Variants in IKZF2 observed in about 807,000 individuals in gnomAD.
IKZF2 encodes the protein zinc finger protein Helios.
Under a neutral mutation model 49.2 loss-of-function variants are expected in IKZF2, and 15 were observed. The observed-to-expected ratio is 0.30, with a 90% CI of 0.20 to 0.47. The LOEUF is 0.47. IKZF2 is among the 20% of genes least tolerant of loss of function. IKZF2 has a pLI of 1.00. For missense variants in IKZF2, 567 were observed against 664.6 expected (o/e 0.85, Z 1.61); for synonymous variants, 227 against 221.4 (o/e 1.03, Z -0.23).
intron 4 of IKZF2, among the ~76,000 whole-genome samples, chr2:213,114,656 A>G (rs1429224316): frequency 6.6e-6 from 1 of 152,166 alleles, no homozygotes; most frequent in African/African-American, 2.4e-5. Context: ...AGCACAGGCT[A>G]GGTGCGGTGG....
rs1415783169 is a variant in IKZF2, at chr2:213,002,117, T to C, written c.*5243A>G. The C allele has an allele frequency of 6.6e-6, 1 of 151,506 alleles. No homozygotes were observed. The highest frequency in any genetic ancestry group is 1.5e-5 in the Non-Finnish European group (1 of 67,540). The allele number at this position is 151,506 out of a possible 1,614,324, so 9.4% of individuals were successfully genotyped here. ...ATTTATTTGTACCTATATGAACTTA[T>C]ATGCTGTACTTTATGTGACTTAGCA... On this transcript the variant is annotated 3_prime_UTR_variant, in exon 9 of 9. Coordinates refer to ENST00000434687, the MANE Select transcript of IKZF2 (RefSeq NM_001387220.1).
At chr2:213,017,146 T>A (rs1696698674) in intron 7 of IKZF2, 2 of 152,222 alleles carry the variant, frequency 1.3e-5, no homozygotes, top group Admixed American at 1.3e-4. Context: ...TCCATGTTCC[T>A]ACTCTGCTCT....
chr2:213,007,167 TC>T lies in IKZF2; in HGVS notation c.*192del, dbSNP rs1203633077. 3 of 567,080 alleles carry T rather than the reference TC, an allele frequency of 5.3e-6. No homozygotes were observed. In the African/African-American group the frequency reaches 5.7e-5, roughly 11 times the overall value. The allele number at this position is 567,080 out of a possible 1,614,324, so 35.1% of individuals were successfully genotyped here. A position where few individuals can be genotyped will look rare whatever the true frequency, so the allele number is the denominator to read the frequency against. On this transcript the variant is annotated 3_prime_UTR_variant, in exon 9 of 9. Coordinates refer to ENST00000434687, the MANE Select transcript of IKZF2 (RefSeq NM_001387220.1). ...AGAAACAATATTCCCGCCCCTTCTCTCTTCTGTTTCTTCCTTATCGTAATTA... is the reference window on the plus strand; with the variant it reads ...AGAAACAATATTCCCGCCCCTTCTCTTTCTGTTTCTTCCTTATCGTAATTA...
At chr2:213,087,235 C>T (rs148224201) in intron 4 of IKZF2, among the ~76,000 whole-genome samples, 1 of 152,188 alleles carries the variant, frequency 6.6e-6, no homozygotes, top group East Asian at 1.9e-4. Context: ...CTGTATTTGA[C>T]TCATTATTTC....
intron 6 of IKZF2, among the ~76,000 whole-genome samples, chr2:213,029,178 A>T (rs1378312253): frequency 2.0e-5 from 3 of 152,004 alleles, no homozygotes; most frequent in Non-Finnish European, 4.4e-5. Flanking sequence ...GAATATAATA[A>T]TTTGTTTGGA....
intron 4 of IKZF2, among the ~76,000 whole-genome samples, chr2:213,075,438 T>A (rs1298941796): frequency 6.6e-6 from 1 of 152,128 alleles, no homozygotes; most frequent in African/African-American, 2.4e-5. Context: ...CAAGTTATAC[T>A]CAGTAGAAAA....
At chr2:213,045,135 A>G (rs1267798110) in intron 6 of IKZF2, among the ~76,000 whole-genome samples, 1 of 152,206 alleles carries the variant, frequency 6.6e-6, no homozygotes, top group African/African-American at 2.4e-5. Context: ...TAAAAGAAAT[A>G]ATAATTCTAT....
chr2:213,089,220 G>A (rs1032628860), intron 4 of IKZF2, among the ~76,000 whole-genome samples: 2 of 152,168 alleles, frequency 1.3e-5, no homozygotes, highest in Admixed American at 6.5e-5. Context: ...CTCACATGCC[G>A]CTTCCAATCC....
chr2:213,151,769 C>G (rs1330893303), upstream of IKZF2, among the ~76,000 whole-genome samples: 1 of 146,454 alleles, frequency 6.8e-6, no homozygotes, highest in Non-Finnish European at 1.5e-5. Context: ...GCAGCGGAGC[C>G]CCGGGCGCGG....
At chr2:213,018,831 T>C (rs1240996135) in intron 7 of IKZF2, among the ~76,000 whole-genome samples, 1 of 152,148 alleles carries the variant, frequency 6.6e-6, no homozygotes, top group African/African-American at 2.4e-5. Flanking sequence ...CTGCCTGATA[T>C]ATGCAATTTT....
intron 6 of IKZF2, among the ~76,000 whole-genome samples, chr2:213,047,931 G>A (rs1004983451): frequency 6.6e-6 from 1 of 151,870 alleles, no homozygotes; most frequent in Non-Finnish European, 1.5e-5. Flanking sequence ...AAGAGTAAGG[G>A]GAAGATGTAT....
At chr2:213,105,813 T>C (rs1285639200) in intron 4 of IKZF2, among the ~76,000 whole-genome samples, 2 of 152,188 alleles carry the variant, frequency 1.3e-5, no homozygotes, top group African/African-American at 4.8e-5. Flanking sequence ...AAACTTCTCT[T>C]GTGAAAATGC....
chr2:213,041,355 A>C (rs1699629901), intron 6 of IKZF2, among the ~76,000 whole-genome samples: 1 of 149,038 alleles, frequency 6.7e-6, no homozygotes, highest in African/African-American at 2.4e-5. Flanking sequence ...GGGTGGGAGG[A>C]TGGAGTTTCG....
intron 4 of IKZF2, among the ~76,000 whole-genome samples, chr2:213,077,871 A>G (rs1703455117): frequency 6.6e-6 from 1 of 152,042 alleles, no homozygotes; most frequent in African/African-American, 2.4e-5. Flanking sequence ...TACAGGTGTG[A>G]GCCACCGCAC....
chr2:213,123,145 A>G (rs1283233088), intron 4 of IKZF2, among the ~76,000 whole-genome samples: 1 of 152,190 alleles, frequency 6.6e-6, no homozygotes, highest in African/African-American at 2.4e-5. Context: ...TAGACTCCAT[A>G]TTATCTTTTT....
chr2:213,044,963 T>C (rs1427866510), intron 6 of IKZF2, among the ~76,000 whole-genome samples: 1 of 152,134 alleles, frequency 6.6e-6, no homozygotes, highest in Admixed American at 6.5e-5. Context: ...TGAGGTATAG[T>C]TAATATACAT....
intron 4 of IKZF2, among the ~76,000 whole-genome samples, chr2:213,124,500 C>G (rs2060192303): frequency 6.6e-6 from 1 of 152,186 alleles, no homozygotes; most frequent in African/African-American, 2.4e-5. Context: ...TACTCTCTAA[C>G]AGTCTGCAAA....
chr2:213,023,963 C>T (rs548145103), intron 6 of IKZF2, among the ~76,000 whole-genome samples: 1 of 152,218 alleles, frequency 6.6e-6, no homozygotes, highest in Admixed American at 6.5e-5. Flanking sequence ...TTCTATTCCC[C>T]TTGGCTCACA....
intron 4 of IKZF2, among the ~76,000 whole-genome samples, chr2:213,098,528 T>C (rs1228368078): frequency 6.6e-6 from 1 of 152,124 alleles, no homozygotes. Flanking sequence ...AAAGTAACAT[T>C]TTCTTTGCTT....
Sources: gnomAD v4.1 joint callset for allele counts (sites outside exome capture counted in the v4.1 genomes callset) on GRCh38, gnomAD v4.1.1 for gene constraint, MANE v1.5 for transcripts, NCBI Gene and HGNC (gene_info 2026-07-23, HGNC 2026-07-21) for gene names.